The following GABBR1 variants were observed in gnomAD, a reference collection of about 807,000 sequenced individuals.
GABBR1 encodes the protein gamma-aminobutyric acid type B receptor subunit 1.
In GABBR1, 35 loss-of-function variants were observed where a neutral mutation model predicts 117.7. That is an observed-to-expected ratio of 0.30 (90% CI 0.23 to 0.39). The LOEUF is 0.39. GABBR1 is among the 10% of genes least tolerant of loss of function. GABBR1 has a pLI of 1.00. For missense variants in GABBR1, 709 were observed against 1,241.8 expected (o/e 0.57, Z 6.45); for synonymous variants, 442 against 486.6 (o/e 0.91, Z 1.21).
At chr6:29,612,003 T>C (rs1341634981) in intron 13 of GABBR1, among the ~76,000 whole-genome samples, 1 of 152,008 alleles carries the variant, frequency 6.6e-6, no homozygotes, top group African/African-American at 2.4e-5. Context: ...ATGTCTCTTT[T>C]CTTTTCTTTT....
chr6:29,604,894 G>A lies in GABBR1; in HGVS notation c.2534C>T (p.Ser845Phe), dbSNP rs890665548. 1.9e-6 allele frequency: 3 copies of A among 1,612,992 alleles called. No homozygotes were observed. The highest frequency in any genetic ancestry group is 2.5e-6 in the Non-Finnish European group (3 of 1,179,992). The change falls in exon 21 of 23, where the codon TCC (serine) becomes TTC (phenylalanine). Residue 845 changes from serine to phenylalanine, a missense_variant. This residue lies in a region of GABBR1 where 251 missense variants were observed against 445.3 expected (regional missense o/e 0.56). Coordinates refer to ENST00000377034, the MANE Select transcript of GABBR1 (RefSeq NM_001470.4). This position sits in a 1 kb window ranked among gnomAD's most constrained non-coding sequence, Gnocchi z 5.3. ...AAAGAGCACAACAAGAGTGATATAG[G>A]AGGAGAAAACTATGGCAAGAGAGGC... is the stretch of plus-strand genomic sequence containing the variant. ...AFASLAIVFS[S>F]YITLVVLFVP... is the part of the protein sequence containing the mutation.
Position 29,620,997 on chromosome 6 carries a change from A to G in GABBR1, c.1323+104T>C. ...TGGGCACAGCCCCCTCTTCTCCTTTATATCCAAATTCCGCACCCTCTCCCT... is the reference window on the plus strand; with the variant it reads ...TGGGCACAGCCCCCTCTTCTCCTTTGTATCCAAATTCCGCACCCTCTCCCT... On this transcript the variant is annotated intron_variant, in intron 11 of 22. Transcript: ENST00000377034. This position sits in a 1 kb window ranked among gnomAD's most constrained non-coding sequence, Gnocchi z 4.5. 1 of 926,014 alleles carries G rather than the reference A, an allele frequency of 1.1e-6. No homozygotes were observed. The highest frequency in any genetic ancestry group is 2.6e-5 in the East Asian group (1 of 39,028). 57.4% of individuals were successfully genotyped at this position (926,014 alleles called of 1,614,324 possible). A position where few individuals can be genotyped will look rare whatever the true frequency, so the allele number is the denominator to read the frequency against.
chr6:29,621,972 TAA>T lies in GABBR1; in HGVS notation c.1065+130_1065+131del. ...ATAAACGTCAACTGGAAGATGGAGC[TAA>T]ACTTCCCCAGGAGATGCTATTGCCT... On this transcript the variant is annotated intron_variant, in intron 9 of 22. Transcript: ENST00000377034. This position sits in a 1 kb window ranked among gnomAD's most constrained non-coding sequence, Gnocchi z 5.0. 9.6e-7 allele frequency: 1 copy of T among 1,043,830 alleles called. No homozygotes were observed. Among genetic ancestry groups the T allele is most frequent in the African/African-American group, 1.6e-5 (1 of 62,942 alleles). 64.7% of individuals were successfully genotyped at this position (1,043,830 alleles called of 1,614,324 possible).
At chr6:29,629,167 C>A (rs1347490372) in intron 4 of GABBR1, 60 bp from the exon 5 acceptor site, 1 of 1,595,312 alleles carries the variant, frequency 6.3e-7, no homozygotes, top group South Asian at 1.1e-5. Context: ...GCTTCCCTGG[C>A]CTGATCCCCA....
chr6:29,632,729 G>T lies in GABBR1; in HGVS notation c.-1+121C>A, dbSNP rs1315548357. On this transcript the variant is annotated intron_variant, in intron 1 of 22. Transcript: ENST00000377034. This position sits in a 1 kb window ranked among gnomAD's most constrained non-coding sequence, Gnocchi z 5.8. ...CTCAGCGCTCCCCGATTCCATCCCCGCGGTTCCTCCTCTCCCCCAGCCCCG... is the reference window on the plus strand; with the variant it reads ...CTCAGCGCTCCCCGATTCCATCCCCTCGGTTCCTCCTCTCCCCCAGCCCCG... The T allele has an allele frequency of 1.7e-6, 2 of 1,205,474 alleles. No homozygotes were observed. Among genetic ancestry groups the T allele is most frequent in the Non-Finnish European group, 2.1e-6 (2 of 962,744 alleles). The allele number at this position is 1,205,474 out of a possible 1,614,324, so 74.7% of individuals were successfully genotyped here.
At chr6:29,628,240 G>A in intron 5 of GABBR1, 1 of 951,544 alleles carries the variant, frequency 1.1e-6, no homozygotes, top group Non-Finnish European at 1.2e-6. Context: ...AAGAGGAAGG[G>A]AGGGATCTCA....
chr6:29,632,283 C>T lies in GABBR1; in HGVS notation c.85+18G>A, dbSNP rs367791625. 6 of 1,363,692 alleles carry T rather than the reference C, an allele frequency of 4.4e-6. No individual in the cohort carries two copies. In the African/African-American group the frequency reaches 6.1e-5, roughly 14 times the overall value. 84.5% of individuals were successfully genotyped at this position (1,363,692 alleles called of 1,614,324 possible). ...AGTGGAGCGAAGGAGGGCCGGAGGT[C>T]GTCGAAGAAGGATGCACCTTCTGAG... On this transcript the variant is annotated intron_variant, in intron 2 of 22. Coordinates refer to ENST00000377034, the MANE Select transcript of GABBR1 (RefSeq NM_001470.4). The surrounding 1 kb of genome is among the most constrained non-coding windows in gnomAD (Gnocchi z 5.8).
intron 11 of GABBR1, among the ~76,000 whole-genome samples, chr6:29,616,860 A>AAAAAG (rs1763169601): frequency 6.7e-6 from 1 of 150,354 alleles, no homozygotes; most frequent in Non-Finnish European, 1.5e-5. Flanking sequence ...AAAAAAAAAA[A>AAAAAG]AAAAAGGCTG....
chr6:29,632,783 G>T lies in GABBR1; in HGVS notation c.-1+67C>A, dbSNP rs1265951351. Reference sequence around the variant, plus strand: ...CCCCCAGCTGGGCCCTGCGCCCACTGCCCCCTCCCCCACCACGCCGCGCGC... The same window carrying T: ...CCCCCAGCTGGGCCCTGCGCCCACTTCCCCCTCCCCCACCACGCCGCGCGC... On this transcript the variant is annotated intron_variant, in intron 1 of 22. Coordinates refer to ENST00000377034, the MANE Select transcript of GABBR1 (RefSeq NM_001470.4). This position sits in a 1 kb window ranked among gnomAD's most constrained non-coding sequence, Gnocchi z 5.8. 4 of 811,150 alleles carry T rather than the reference G, an allele frequency of 4.9e-6. No homozygotes were observed. The African/African-American group carries it at 9.9e-5, about 20-fold the overall frequency. 50.2% of individuals were successfully genotyped at this position (811,150 alleles called of 1,614,324 possible).
rs980473553 is a variant in GABBR1 at position 29,613,332 on chromosome 6, C to G, written c.1477G>C (p.Val493Leu). Reference sequence around the variant, plus strand: ...TTGTAGTTGAAGTCCTCCAGGCGCACACCAGAACGGCCGCCTCCTCCAGAT... The same window carrying G: ...TTGTAGTTGAAGTCCTCCAGGCGCAGACCAGAACGGCCGCCTCCTCCAGAT... ...KTSGGGGRSG[V>L]RLEDFNYNNQ... The change falls in exon 12 of 23, where the codon GTG becomes CTG. Residue 493 changes from valine to leucine, a missense_variant. Val to Leu is a conservative substitution (Grantham distance 32, BLOSUM62 1). Transcript: ENST00000377034. This position sits in a 1 kb window ranked among gnomAD's most constrained non-coding sequence, Gnocchi z 4.1. 8 of 1,612,978 alleles carry G rather than the reference C, an allele frequency of 5.0e-6. No homozygotes were observed. Among genetic ancestry groups the G allele is most frequent in the Non-Finnish European group, 6.8e-6 (8 of 1,180,042 alleles).
Position 29,632,366 on chromosome 6 carries a change from A to G in GABBR1, c.20T>C (p.Leu7Pro). ...CGGGGGGCGGAGGAAGAGTGGCGCCAGTAGCAGCAGCAGCAACATCTAAGT... is the reference window on the plus strand; with the variant it reads ...CGGGGGGCGGAGGAAGAGTGGCGCCGGTAGCAGCAGCAGCAACATCTAAGT... The part of the protein sequence containing the change: MLLLLL[L>P]APLFLRPPGA... Residue 7 changes from leucine (L) to proline (P), a missense_variant, in exon 2 of 23, where the codon CTG becomes CCG. Physicochemically the swap from Leu to Pro is moderately conservative, Grantham distance 98. Around this residue, in one of 9 missense-constraint regions of GABBR1, gnomAD observed 43 missense variants for 42.8 expected, o/e 1.00. Transcript: ENST00000377034. This position sits in a 1 kb window ranked among gnomAD's most constrained non-coding sequence, Gnocchi z 5.8. 7.4e-7 allele frequency: 1 copy of G among 1,348,700 alleles called. No individual in the cohort carries two copies. The highest frequency in any genetic ancestry group is 9.6e-7 in the Non-Finnish European group (1 of 1,044,868). The allele number at this position is 1,348,700 out of a possible 1,614,324, so 83.5% of individuals were successfully genotyped here.
At position 29,607,096 on chromosome 6, in the gene GABBR1, G is replaced by A. The variant is rs1473888576; in HGVS notation, c.2109+6C>T. 3 of 1,612,064 alleles carry A rather than the reference G, an allele frequency of 1.9e-6. No individual in the cohort carries two copies. The highest frequency in any genetic ancestry group is 2.5e-6 in the Non-Finnish European group (3 of 1,178,206). On this transcript the variant is annotated splice_donor_region_variant and intron_variant, in intron 17 of 22. Coordinates refer to ENST00000377034, the MANE Select transcript of GABBR1 (RefSeq NM_001470.4). This position sits in a 1 kb window ranked among gnomAD's most constrained non-coding sequence, Gnocchi z 5.0. ...TCTGGGGGCTGAGGATTGGGCAGCA[G>A]CTCACCTTCCTCCACTCCTTCTTTT...
rs771980923 is a variant in GABBR1 at position 29,623,899 on chromosome 6, G to C, written c.783C>G (p.Asn261Lys). 3 of 1,612,626 alleles carry C rather than the reference G, an allele frequency of 1.9e-6. No homozygotes were observed. The highest frequency in any genetic ancestry group is 2.5e-6 in the Non-Finnish European group (3 of 1,179,876). ...TLVAEAARMW[N>K]LIVLSYGSSS... The stretch of plus-strand genomic sequence containing the variant: ...CCATAGCCCTGCTTACCACAATGAG[G>C]TTCCACATCCTAGCAGCCTCAGCCA... The change falls in exon 7 of 23, where the codon AAC becomes AAG. Residue 261 changes from asparagine (N) to lysine (K), a missense_variant. Transcript: ENST00000377034. This position sits in a 1 kb window ranked among gnomAD's most constrained non-coding sequence, Gnocchi z 6.2.
In GABBR1 at chr6:29,609,127, A is replaced by C; in HGVS notation, c.1859+102T>G. 12 of 1,082,742 alleles carry C rather than the reference A, an allele frequency of 1.1e-5. No homozygotes were observed. Among genetic ancestry groups the C allele is most frequent in the Non-Finnish European group, 1.5e-5 (11 of 737,656 alleles). The allele number at this position is 1,082,742 out of a possible 1,614,324, so 67.1% of individuals were successfully genotyped here. The stretch of plus-strand genomic sequence containing the variant: ...AAGTCAGAATGAAAAACTCCATGAT[A>C]CATGGCCATGGGAGTTACACAGGTT... On this transcript the variant is annotated intron_variant, in intron 15 of 22. Transcript: ENST00000377034. This position sits in a 1 kb window ranked among gnomAD's most constrained non-coding sequence, Gnocchi z 4.3.
intron 11 of GABBR1, among the ~76,000 whole-genome samples, chr6:29,619,422 A>C (rs919926730): frequency 6.6e-6 from 1 of 152,208 alleles, no homozygotes. Context: ...AGCAGGAACC[A>C]TCTTTCTCTA....
Position 29,604,508 on chromosome 6 carries a change from T to C in GABBR1, c.2698A>G (p.Lys900Glu). 6.2e-7 allele frequency: 1 copy of C among 1,613,320 alleles called. No individual in the cohort carries two copies. The highest frequency in any genetic ancestry group is 8.5e-7 in the Non-Finnish European group (1 of 1,180,030). Residue 900 changes from lysine to glutamate, a missense_variant, in exon 22 of 23, where the codon AAG (lysine) becomes GAG (glutamate). Physicochemically the swap from Lys to Glu is moderately conservative, Grantham distance 56. Transcript: ENST00000377034. The surrounding 1 kb of genome is among the most constrained non-coding windows in gnomAD (Gnocchi z 5.3). ...CACCCCCGCACCTCAGCAATGATCTTTTCCAGTTCACGGTTCTCCTTCTCC... is the reference window on the plus strand; with the variant it reads ...CACCCCCGCACCTCAGCAATGATCTCTTCCAGTTCACGGTTCTCCTTCTCC... ...LLEKENRELE[K>E]IIAEKEERVS...
chr6:29,627,977 C>G lies in GABBR1; in HGVS notation c.497-331G>C. The G allele has an allele frequency of 6.7e-6, 9 of 1,342,060 alleles. No individual in the cohort carries two copies. The highest frequency in any genetic ancestry group is 2.0e-5 in the South Asian group (1 of 49,016). The allele number at this position is 1,342,060 out of a possible 1,614,324, so 83.1% of individuals were successfully genotyped here. ...CTACGGCCCCCGCGGCTCTCGCCAC[C>G]GTCGCCGCCACCGCGGACTCTCCTC... is the stretch of plus-strand genomic sequence containing the variant. On this transcript the variant is annotated intron_variant, in intron 5 of 22. Coordinates refer to ENST00000377034, the MANE Select transcript of GABBR1 (RefSeq NM_001470.4). This position sits in a 1 kb window ranked among gnomAD's most constrained non-coding sequence, Gnocchi z 4.4.
At chr6:29,628,437 AG>A (rs1764603236) in intron 5 of GABBR1, among the ~76,000 whole-genome samples, 1 of 151,988 alleles carries the variant, frequency 6.6e-6, no homozygotes, top group South Asian at 2.1e-4. Flanking sequence ...GATACAGTGA[AG>A]CACTGAGGAT....
At chr6:29,628,288 G>T in intron 5 of GABBR1, 1 of 378,984 alleles carries the variant, frequency 2.6e-6, no homozygotes, top group Non-Finnish European at 3.6e-6. Flanking sequence ...TGGGGACGGG[G>T]CGTGCCAGGA....
Sources: allele counts gnomAD v4.1 joint callset (sites outside exome capture counted in the v4.1 genomes callset), GRCh38; gene constraint gnomAD v4.1.1; regional missense constraint gnomAD v4.1.1; non-coding constraint Gnocchi (gnomAD v3.1); transcripts MANE v1.5; gene names NCBI Gene and HGNC (gene_info 2026-07-23, HGNC 2026-07-21).